CRACD: variants seen among roughly 807,000 people sequenced by gnomAD.
The protein encoded by CRACD is capping protein-inhibiting regulator of actin dynamics.
In CRACD, 56 loss-of-function variants were observed where a neutral mutation model predicts 106.8. That is an observed-to-expected ratio of 0.52 (90% CI 0.42 to 0.66). The LOEUF is 0.66. CRACD is among the 30% of genes least tolerant of loss of function. The probability of loss-of-function intolerance (pLI) is 0.00; values close to 1 mark genes in which losing one functional copy is unlikely to be tolerated. For missense variants in CRACD, 1,730 were observed against 1,623.2 expected (o/e 1.07, Z -1.13); for synonymous variants, 754 against 670.8 (o/e 1.12, Z -1.92).
At chr4:56,233,892 T>C (rs1193696172) in intron 2 of CRACD, among the ~76,000 whole-genome samples, 2 of 152,228 alleles carry the variant, frequency 1.3e-5, no homozygotes, top group African/African-American at 4.8e-5. Flanking sequence ...TAGTTTTCAG[T>C]GTACAGATCT....
chr4:56,314,393 G>C lies in CRACD; in HGVS notation c.891G>C (p.Ala297=). ...PREEQQRSLE[A]PGWEDAERRE... The stretch of plus-strand genomic sequence containing the variant: ...AAGAGCAGCAGCGGAGCCTGGAAGC[G>C]CCAGGTTGGGAGGACGCGGAGCGGA... Residue 297 remains alanine (A), a synonymous_variant, in exon 8 of 11, where the codon GCG becomes GCC. Coordinates refer to ENST00000682029, the MANE Select transcript of CRACD (RefSeq NM_001393381.1). This position sits in a 1 kb window ranked among gnomAD's most constrained non-coding sequence, Gnocchi z 4.4. 1 of 1,546,678 alleles carries C rather than the reference G, an allele frequency of 6.5e-7. No individual in the cohort carries two copies. Among genetic ancestry groups the C allele is most frequent in the Non-Finnish European group, 8.7e-7 (1 of 1,145,682 alleles).
intron 2 of CRACD, among the ~76,000 whole-genome samples, chr4:56,254,831 G>C (rs970715680): frequency 6.6e-6 from 1 of 151,480 alleles, no homozygotes; most frequent in African/African-American, 2.4e-5. Context: ...TCAGCTGGCC[G>C]CGGTGGCTCA....
At chr4:56,298,143 GAAT>G in intron 3 of CRACD, 68 bp from the exon 4 acceptor site, 1 of 1,514,752 alleles carries the variant, frequency 6.6e-7, no homozygotes, top group Non-Finnish European at 9.0e-7. Context: ...CTCCAATCAG[GAAT>G]AATGGAAAAC....
At chr4:56,185,621 GCT>G (rs1737056417) in intron 2 of CRACD, among the ~76,000 whole-genome samples, 1 of 152,204 alleles carries the variant, frequency 6.6e-6, no homozygotes, top group East Asian at 1.9e-4. Context: ...CAGAACACCT[GCT>G]TCGCTTTAGT....
chr4:56,285,515 C>T (rs971374004), intron 3 of CRACD, among the ~76,000 whole-genome samples: 4 of 152,120 alleles, frequency 2.6e-5, no homozygotes, highest in African/African-American at 9.7e-5. Context: ...TCACAGCTCA[C>T]TGCAGCCTCA....
chr4:56,161,962 C>T lies in CRACD; in HGVS notation c.-335-17322C>T, dbSNP rs994109364. Among the ~76,000 whole-genome samples, 3 of 152,006 alleles carry T rather than the reference C, an allele frequency of 2.0e-5. No homozygotes were observed. The East Asian group carries it at 5.8e-4, about 29-fold the overall frequency. ...TATTTTTAGTAGAAATGGGGTTTCA[C>T]CTCGTTGGCCAGGCTGGTCACGAAC... On this transcript the variant is annotated intron_variant, in intron 1 of 10. Coordinates refer to ENST00000682029, the MANE Select transcript of CRACD (RefSeq NM_001393381.1).
intron 1 of CRACD, among the ~76,000 whole-genome samples, chr4:56,057,310 C>T (rs949014815): frequency 6.6e-6 from 1 of 152,164 alleles, no homozygotes. Flanking sequence ...ACAAGAGGAC[C>T]ATTTAGTGCA....
chr4:56,152,057 T>C (rs1208122358), intron 1 of CRACD, among the ~76,000 whole-genome samples: 2 of 150,886 alleles, frequency 1.3e-5, no homozygotes, highest in African/African-American at 4.9e-5. Flanking sequence ...TCACCCAGGC[T>C]GGAGTGCGGT....
In CRACD at chr4:56,328,349, C is replaced by T. The variant is rs749589797; in HGVS notation, c.*545C>T. The T allele has an allele frequency of 3.9e-6, 2 of 518,960 alleles. No homozygotes were observed. Among genetic ancestry groups the T allele is most frequent in the Non-Finnish European group, 7.7e-6 (2 of 259,866 alleles). 32.1% of individuals were successfully genotyped at this position (518,960 alleles called of 1,614,324 possible). On this transcript the variant is annotated 3_prime_UTR_variant, in exon 11 of 11. Transcript: ENST00000682029. ...TCACAAGGAACATTCTGGCACCCAA[C>T]TGTGCCCATCTTAGTTTTCATGAGT...
chr4:56,319,891 A>G (rs1385905389), intron 8 of CRACD, among the ~76,000 whole-genome samples: 1 of 152,048 alleles, frequency 6.6e-6, no homozygotes, highest in East Asian at 1.9e-4. Context: ...AAACACTTTC[A>G]GGCCAGGCAC....
rs999765926 is a variant in CRACD at position 56,310,506 on chromosome 4, A to G, written c.286-160A>G. Among the ~76,000 whole-genome samples, 6 of 152,288 alleles carry G rather than the reference A, an allele frequency of 3.9e-5. No homozygotes were observed. The East Asian group carries it at 1.2e-3, about 29-fold the overall frequency. ...CAGGTAGTGCTGGTGGAGTTTGGAT[A>G]TTAGCATAGTCTCCACTGGGACACC... On this transcript the variant is annotated intron_variant, in intron 5 of 10. Coordinates refer to ENST00000682029, the MANE Select transcript of CRACD (RefSeq NM_001393381.1).
intron 1 of CRACD, among the ~76,000 whole-genome samples, chr4:56,069,701 C>A (rs1386916686): frequency 1.3e-5 from 2 of 152,118 alleles, no homozygotes; most frequent in African/African-American, 4.8e-5. Context: ...ATAGGGAGGA[C>A]CCTTTGTCCT....
chr4:56,246,319 C>A (rs11734496), intron 2 of CRACD, among the ~76,000 whole-genome samples: 82,138 of 151,894 alleles, frequency 0.54, 23,339 homozygotes, highest in Middle Eastern at 0.68. Flanking sequence ...TCACGTGGGG[C>A]CTTAGGTGGA....
At chr4:56,167,395 GC>G (rs1736194988) in intron 1 of CRACD, among the ~76,000 whole-genome samples, 1 of 152,168 alleles carries the variant, frequency 6.6e-6, no homozygotes, top group South Asian at 2.1e-4. Flanking sequence ...ATAAAGTGGT[GC>G]TATGATATAT....
chr4:56,195,962 T>G (rs971570910), intron 2 of CRACD, among the ~76,000 whole-genome samples: 10 of 152,320 alleles, frequency 6.6e-5, no homozygotes, highest in Admixed American at 3.3e-4. Context: ...ATTAAGTAGT[T>G]TCATTCAGTA....
intron 2 of CRACD, among the ~76,000 whole-genome samples, chr4:56,185,804 AACT>A: frequency 6.6e-6 from 1 of 152,314 alleles, no homozygotes; most frequent in South Asian, 2.1e-4. Context: ...TAGTGGTCTG[AACT>A]TCAGTTTATC....
Position 56,316,103 on chromosome 4 carries a change from G to T in CRACD, c.2601G>T (p.Lys867Asn), listed in dbSNP as rs773014122. The T allele has an allele frequency of 6.2e-7, 1 of 1,614,172 alleles. No individual in the cohort carries two copies. The change falls in exon 8 of 11, where the codon AAG (lysine) becomes AAT (asparagine). Residue 867 changes from lysine (K) to asparagine (N), a missense_variant. Around this residue, in one of 5 missense-constraint regions of CRACD, gnomAD observed 1,620 missense variants for 1,481.6 expected, o/e 1.09. Coordinates refer to ENST00000682029, the MANE Select transcript of CRACD (RefSeq NM_001393381.1). The part of the protein sequence containing the change: ...RFNCDQQAEQ[K>N]KKKRHSSTGD... ...ACTGCGACCAACAGGCAGAACAGAA[G>T]AAGAAGAAGAGGCACAGCAGCACCG...
rs373533805 is a variant in CRACD at position 56,316,150 on chromosome 4, C to T, written c.2648C>T (p.Pro883Leu). The change falls in exon 8 of 11, where the codon CCG becomes CTG. Residue 883 changes from proline to leucine, a missense_variant. Physicochemically the swap from Pro to Leu is moderately conservative, Grantham distance 98. Around this residue, in one of 5 missense-constraint regions of CRACD, gnomAD observed 1,620 missense variants for 1,481.6 expected, o/e 1.09. Transcript: ENST00000682029. The part of the protein sequence containing the change: ...SSTGDSADAG[P>L]PAAGSARGEK... Reference sequence around the variant, plus strand: ...ACCGGAGACAGCGCGGATGCAGGGCCGCCTGCAGCGGGGAGCGCTCGTGGA... The same window carrying T: ...ACCGGAGACAGCGCGGATGCAGGGCTGCCTGCAGCGGGGAGCGCTCGTGGA... The T allele has an allele frequency of 1.9e-6, 3 of 1,614,148 alleles. No homozygotes were observed. Among genetic ancestry groups the T allele is most frequent in the East Asian group, 2.2e-5 (1 of 44,870 alleles).
intron 2 of CRACD, among the ~76,000 whole-genome samples, chr4:56,249,115 G>C (rs1249842049): frequency 0.02 from 2,887 of 144,792 alleles, 82 homozygotes; most frequent in African/African-American, 0.066. Context: ...GGGTCAAATG[G>C]TATTTCTAGT....
Sources: gnomAD v4.1 joint callset for allele counts (sites outside exome capture counted in the v4.1 genomes callset) on GRCh38, gnomAD v4.1.1 for gene constraint, gnomAD v4.1.1 regional missense constraint, Gnocchi (gnomAD v3.1) non-coding constraint, MANE v1.5 for transcripts, NCBI Gene and HGNC (gene_info 2026-07-23, HGNC 2026-07-21) for gene names.